ZNF785: variants seen among roughly 807,000 people sequenced by gnomAD.
ZNF785 encodes zinc finger protein 785.
Under a neutral mutation model 11.3 loss-of-function variants are expected in ZNF785, and 15 were observed. The observed-to-expected ratio is 1.32, with a 90% CI of 0.89 to 2.04. The LOEUF (loss-of-function observed/expected upper bound fraction) is 2.04. Ranked by LOEUF, ZNF785 falls within the 30% of genes most tolerant of loss-of-function variation. The pLI, the probability that ZNF785 is intolerant of heterozygous loss-of-function variation, is 0.00. For synonymous variants in ZNF785, 221 were observed against 231.0 expected, an observed-to-expected ratio of 0.96 and a Z score of 0.39; for missense variants, 572 against 560.9, an observed-to-expected ratio of 1.02 and a Z score of -0.20.
Position 30,583,167 on chromosome 16 carries a change from T to C in ZNF785, c.611A>G (p.Gln204Arg), listed in dbSNP as rs765680700. ...GCGCTGGGAGAAACGCGCCTGACACTGGCCGCAGGAGAAGGGCCGCTCCCC... is the reference window on the plus strand; with the variant it reads ...GCGCTGGGAGAAACGCGCCTGACACCGGCCGCAGGAGAAGGGCCGCTCCCC... Reference protein sequence around the residue: ...HSGERPFSCGQCQARFSQRRY... With the variant: ...HSGERPFSCGRCQARFSQRRY... The change falls in exon 3 of 3, where the codon CAG becomes CGG. Residue 204 changes from glutamine to arginine, a missense_variant. Transcript: ENST00000395216. 2 of 1,614,024 alleles carry C rather than the reference T, an allele frequency of 1.2e-6. No individual in the cohort carries two copies. The highest frequency in any genetic ancestry group is 1.7e-6 in the Non-Finnish European group (2 of 1,179,932).
chr16:30,579,898 GT>G, downstream of ZNF785: 1 of 453,446 alleles, frequency 2.2e-6, no homozygotes, highest in South Asian at 1.6e-5. Flanking sequence ...GTTTTGTTTT[GT>G]TTTTTGAGAC....
downstream of ZNF785, chr16:30,579,319 G>A (rs1340710083): frequency 1.9e-5 from 3 of 154,658 alleles, no homozygotes; most frequent in African/African-American, 7.2e-5. Flanking sequence ...AGCCAAGCTA[G>A]GAATCCAGGT....
chr16:30,585,572 CGGGTACGTGG>C lies in ZNF785; in HGVS notation c.30_39del (p.His11GlyfsTer16). 6.5e-7 allele frequency: 1 copy of C among 1,541,966 alleles called. No individual in the cohort carries two copies. Among genetic ancestry groups the C allele is most frequent in the Non-Finnish European group, 8.7e-7 (1 of 1,147,214 alleles). On this transcript the variant is annotated frameshift_variant, in exon 1 of 3. Transcript: ENST00000395216. LOFTEE classifies it high-confidence loss of function. The surrounding 1 kb of genome is among the most constrained non-coding windows in gnomAD (Gnocchi z 4.0). ...CTCGTCCTCCGGGGCCCGGCCTCCCCGGGTACGTGGGCCGGGCGCGGCGCCAGGGGCGGCC... is the reference window on the plus strand; with the variant it reads ...CTCGTCCTCCGGGGCCCGGCCTCCCCGCCGGGCGCGGCGCCAGGGGCGGCC...
Position 30,585,339 on chromosome 16 carries a change from C to A in ZNF785, c.205+68G>T. Reference sequence around the variant, plus strand: ...GGCGCCCCGCTTCCAGCCCACTAGCCTCTGGGGACACCGATCACCGCTTCC... The same window carrying A: ...GGCGCCCCGCTTCCAGCCCACTAGCATCTGGGGACACCGATCACCGCTTCC... On this transcript the variant is annotated intron_variant, in intron 1 of 2. Transcript: ENST00000395216. The surrounding 1 kb of genome is among the most constrained non-coding windows in gnomAD (Gnocchi z 4.0). 1 of 1,578,642 alleles carries A rather than the reference C, an allele frequency of 6.3e-7. No individual in the cohort carries two copies.
At chr16:30,584,136 C>A (rs1284193818) in intron 2 of ZNF785, among the ~76,000 whole-genome samples, 1 of 151,954 alleles carries the variant, frequency 6.6e-6, no homozygotes, top group Admixed American at 6.6e-5. Flanking sequence ...CACAGCAAGA[C>A]TCAGTCTCAA....
Position 30,582,174 on chromosome 16 carries a change from A to G in ZNF785, c.*386T>C, listed in dbSNP as rs1393848004. The G allele has an allele frequency of 4.8e-6, 1 of 208,408 alleles. No homozygotes were observed. Among genetic ancestry groups the G allele is most frequent in the South Asian group, 8.5e-5 (1 of 11,802 alleles). 12.9% of individuals were successfully genotyped at this position (208,408 alleles called of 1,614,324 possible). A position where few individuals can be genotyped will look rare whatever the true frequency, so the allele number is the denominator to read the frequency against. ...GTATCCCCTCTATTCTGGGGGGTCCAGAGTGGGTGCAGGCTCCTTTAATAG... is the reference window on the plus strand; with the variant it reads ...GTATCCCCTCTATTCTGGGGGGTCCGGAGTGGGTGCAGGCTCCTTTAATAG... On this transcript the variant is annotated 3_prime_UTR_variant, in exon 3 of 3. Coordinates refer to ENST00000395216, the MANE Select transcript of ZNF785 (RefSeq NM_152458.7).
At position 30,582,735 on chromosome 16, in the gene ZNF785, C is replaced by A. The variant is rs138958454; in HGVS notation, c.1043G>T (p.Gly348Val). ...RPFPCVECGK[G>V]FKRKTALEAH... is the part of the protein sequence containing the mutation. ...TTCCAGGGCGGTCTTGCGCTTGAAG[C>A]CTTTCCCACACTCCACGCAGGGGAA... The change falls in exon 3 of 3, where the codon GGC (glycine) becomes GTC (valine). Residue 348 changes from glycine to valine, a missense_variant. Physicochemically the swap from Gly to Val is moderately radical, Grantham distance 109 (BLOSUM62 -3). Transcript: ENST00000395216. The A allele has an allele frequency of 2.9e-4, 463 of 1,611,106 alleles. 3 individuals are homozygous for A. In the Middle Eastern group the frequency reaches 7.9e-3, roughly 28 times the overall value.
Position 30,585,640 on chromosome 16 carries a change from G to A in ZNF785, c.-29C>T. On this transcript the variant is annotated 5_prime_UTR_variant, in exon 1 of 3. Coordinates refer to ENST00000395216, the MANE Select transcript of ZNF785 (RefSeq NM_152458.7). This position sits in a 1 kb window ranked among gnomAD's most constrained non-coding sequence, Gnocchi z 4.0. ...AAACCCTTTCTGCCTGGCAAAGGGA[G>A]GCTTCCGGGGAAGGTGGAGATGCTG... 6.9e-7 allele frequency: 1 copy of A among 1,453,372 alleles called. No individual in the cohort carries two copies. The highest frequency in any genetic ancestry group is 9.0e-7 in the Non-Finnish European group (1 of 1,111,012). The allele number at this position is 1,453,372 out of a possible 1,614,324, so 90.0% of individuals were successfully genotyped here. A position where few individuals can be genotyped will look rare whatever the true frequency, so the allele number is the denominator to read the frequency against.
rs2151236673 is a variant in ZNF785 at position 30,582,655 on chromosome 16, C to T, written c.1123G>A (p.Val375Met). The change falls in exon 3 of 3, where the codon GTG becomes ATG. Residue 375 changes from valine (V) to methionine (M), a missense_variant. Val to Met is a conservative substitution (Grantham distance 21). Coordinates refer to ENST00000395216, the MANE Select transcript of ZNF785 (RefSeq NM_152458.7). Reference sequence around the variant, plus strand: ...GGGATGGGCTCTGAACGCCCCACCACGGCCTGCTGCCACGCGCGCCTCTCG... The same window carrying T: ...GGGATGGGCTCTGAACGCCCCACCATGGCCTGCTGCCACGCGCGCCTCTCG... ...CSERRAWQQA[V>M]VGRSEPIPVL... 1 of 1,614,214 alleles carries T rather than the reference C, an allele frequency of 6.2e-7. No homozygotes were observed. Among genetic ancestry groups the T allele is most frequent in the South Asian group, 1.1e-5 (1 of 91,092 alleles).
At position 30,582,435 on chromosome 16, in the gene ZNF785, T is replaced by C; in HGVS notation, c.*125A>G. 1 of 1,386,576 alleles carries C rather than the reference T, an allele frequency of 7.2e-7. No homozygotes were observed. The highest frequency in any genetic ancestry group is 1.4e-5 in the African/African-American group (1 of 70,014). The allele number at this position is 1,386,576 out of a possible 1,614,324, so 85.9% of individuals were successfully genotyped here. On this transcript the variant is annotated 3_prime_UTR_variant, in exon 3 of 3. Transcript: ENST00000395216. The stretch of plus-strand genomic sequence containing the variant: ...CCCCACAGCCCTCTGTGCCCCTACC[T>C]CTGCTTTTTACCTAAGGCAGAACTT...
At position 30,582,805 on chromosome 16, in the gene ZNF785, A is replaced by T; in HGVS notation, c.973T>A (p.Ser325Thr). Reference sequence around the variant, plus strand: ...ATGCGCCGGTGACTGAGGAGGAGGGAAGAATAGGTGAAGCGGCGGCCGCAG... The same window carrying T: ...ATGCGCCGGTGACTGAGGAGGAGGGTAGAATAGGTGAAGCGGCGGCCGCAG... ...PDCGRRFTYS[S>T]LLLSHRRIHS... is the part of the protein sequence containing the mutation. The change falls in exon 3 of 3, where the codon TCC becomes ACC. Residue 325 changes from serine (S) to threonine (T), a missense_variant. By Grantham distance (58) the Ser-to-Thr change is moderately conservative. Transcript: ENST00000395216. 6.2e-7 allele frequency: 1 copy of T among 1,607,584 alleles called. No homozygotes were observed. The highest frequency in any genetic ancestry group is 1.1e-5 in the South Asian group (1 of 90,432).
downstream of ZNF785, chr16:30,578,576 T>G (rs1693057210): frequency 6.6e-6 from 1 of 152,204 alleles, no homozygotes; most frequent in South Asian, 2.1e-4. Flanking sequence ...CAGGCTGGAG[T>G]GCAATGGCAC....
chr16:30,580,278 C>G (rs1327449311), downstream of ZNF785, among the ~76,000 whole-genome samples: 2 of 151,124 alleles, frequency 1.3e-5, no homozygotes, highest in African/African-American at 4.9e-5. Flanking sequence ...ACCTCCACCT[C>G]CTGGGTTCAA....
chr16:30,585,348 C>T lies in ZNF785; in HGVS notation c.205+59G>A. ...CTTCCAGCCCACTAGCCTCTGGGGA[C>T]ACCGATCACCGCTTCCCACCGACGG... On this transcript the variant is annotated intron_variant, in intron 1 of 2. Transcript: ENST00000395216. This position sits in a 1 kb window ranked among gnomAD's most constrained non-coding sequence, Gnocchi z 4.0. 1 of 1,573,340 alleles carries T rather than the reference C, an allele frequency of 6.4e-7. No homozygotes were observed. The highest frequency in any genetic ancestry group is 8.6e-7 in the Non-Finnish European group (1 of 1,162,236).
Position 30,585,413 on chromosome 16 carries a change from C to A in ZNF785, c.199G>T (p.Ala67Ser), listed in dbSNP as rs2151238501. The A allele has an allele frequency of 6.3e-7, 1 of 1,587,712 alleles. No homozygotes were observed. Among genetic ancestry groups the A allele is most frequent in the East Asian group, 2.3e-5 (1 of 43,570 alleles). The change falls in exon 1 of 3, where the codon GCG becomes TCG. Residue 67 changes from alanine (A) to serine (S), a missense_variant. Physicochemically the swap from Ala to Ser is moderately conservative, Grantham distance 99. Coordinates refer to ENST00000395216, the MANE Select transcript of ZNF785 (RefSeq NM_152458.7). This position sits in a 1 kb window ranked among gnomAD's most constrained non-coding sequence, Gnocchi z 4.0. ...VMRETFGHLG[A>S]LGFSVPKPAF... ...CCGGAGGGCCCGGCCTCACCCAGCG[C>A]GCCCAGGTGGCCGAAGGTCTCCCGC...
Position 30,580,751 on chromosome 16 carries a change from C to T in ZNF785, c.*1809G>A, listed in dbSNP as rs1217938333. The T allele has an allele frequency of 6.6e-6, 1 of 151,328 alleles. No individual in the cohort carries two copies. Among genetic ancestry groups the T allele is most frequent in the African/African-American group, 2.4e-5 (1 of 41,108 alleles). The allele number at this position is 151,328 out of a possible 1,614,324, so 9.4% of individuals were successfully genotyped here. On this transcript the variant is annotated 3_prime_UTR_variant, in exon 3 of 3. Coordinates refer to ENST00000395216, the MANE Select transcript of ZNF785 (RefSeq NM_152458.7). The stretch of plus-strand genomic sequence containing the variant: ...TCTTGACCTTAAGTGATCCACCCTC[C>T]TCAGCCTCCCAAACTGCTAGGATTA...
Position 30,582,790 on chromosome 16 carries a change from G to T in ZNF785, c.988C>A (p.His330Asn). ...CGGCTGTCGGAGTGAATGCGCCGGT[G>T]ACTGAGGAGGAGGGAAGAATAGGTG... ...RFTYSSLLLS[H>N]RRIHSDSRPF... is the part of the protein sequence containing the mutation. Residue 330 changes from histidine to asparagine, a missense_variant, in exon 3 of 3, where the codon CAC (histidine) becomes AAC (asparagine). Transcript: ENST00000395216. 5 of 1,607,084 alleles carry T rather than the reference G, an allele frequency of 3.1e-6. No individual in the cohort carries two copies. Among genetic ancestry groups the T allele is most frequent in the Non-Finnish European group, 4.3e-6 (5 of 1,175,452 alleles).
In ZNF785 at chr16:30,582,634, T is replaced by C. The variant is rs768457182; in HGVS notation, c.1144A>G (p.Ile382Val). ...QQAVVGRSEP[I>V]PVLGGKDPPV... ...GGATCCTTGCCTCCCAAAACAGGGATGGGCTCTGAACGCCCCACCACGGCC... is the reference window on the plus strand; with the variant it reads ...GGATCCTTGCCTCCCAAAACAGGGACGGGCTCTGAACGCCCCACCACGGCC... The change falls in exon 3 of 3, where the codon ATC (isoleucine) becomes GTC (valine). Residue 382 changes from isoleucine to valine, a missense_variant. Ile to Val is a conservative substitution (Grantham distance 29). Coordinates refer to ENST00000395216, the MANE Select transcript of ZNF785 (RefSeq NM_152458.7). 1.2e-6 allele frequency: 2 copies of C among 1,614,182 alleles called. No homozygotes were observed. The highest frequency in any genetic ancestry group is 1.7e-4 in the Middle Eastern group (1 of 6,060).
In ZNF785 at chr16:30,580,660, T is replaced by G. The variant is rs1378539556; in HGVS notation, c.*1900A>C. On this transcript the variant is annotated 3_prime_UTR_variant, in exon 3 of 3. Transcript: ENST00000395216. The stretch of plus-strand genomic sequence containing the variant: ...GTGAGCCAACGTGCCTGGCCGTTTT[T>G]TTTTTTTTTTTTGGTATTTTTAGTA... 6.6e-6 allele frequency: 1 copy of G among 151,010 alleles called. No homozygotes were observed. The highest frequency in any genetic ancestry group is 2.4e-5 in the African/African-American group (1 of 41,136). 9.4% of individuals were successfully genotyped at this position (151,010 alleles called of 1,614,324 possible).
Sources: allele counts gnomAD v4.1 joint callset (sites outside exome capture counted in the v4.1 genomes callset), GRCh38; gene constraint gnomAD v4.1.1; non-coding constraint Gnocchi (gnomAD v3.1); transcripts MANE v1.5; gene names NCBI Gene and HGNC (gene_info 2026-07-23, HGNC 2026-07-21).